EYS: variants seen among roughly 807,000 people sequenced by gnomAD.
The protein encoded by EYS is protein eyes shut homolog.
In EYS, 250 loss-of-function variants were observed where a neutral mutation model predicts 282.1. The observed-to-expected ratio is 0.89, with a 90% CI of 0.80 to 0.98. The LOEUF (loss-of-function observed/expected upper bound fraction) is 0.98, where lower values mean the gene tolerates loss of function less well. Among genes scored for constraint, EYS ranks in the 50% least tolerant of loss-of-function variants. The pLI is 0.00. For missense variants in EYS, 4,016 were observed against 3,709.0 expected (o/e 1.08, Z -2.15); for synonymous variants, 1,355 against 1,282.9 (o/e 1.06, Z -1.20).
chr6:63,887,217 T>C (rs1474917228), intron 35 of EYS, among the ~76,000 whole-genome samples: 1 of 152,144 alleles, frequency 6.6e-6, no homozygotes, highest in African/African-American at 2.4e-5. Flanking sequence ...TTCACTTCTT[T>C]ATGTTGAGCA....
intron 26 of EYS, among the ~76,000 whole-genome samples, chr6:64,572,406 A>T (rs1227249196): frequency 1.3e-5 from 2 of 152,070 alleles, no homozygotes; most frequent in Non-Finnish European, 2.9e-5. Context: ...TGGCCAGGGC[A>T]ATCAGGCAAG....
intron 26 of EYS, among the ~76,000 whole-genome samples, chr6:64,547,328 C>G (rs1170887369): frequency 6.6e-6 from 1 of 152,088 alleles, no homozygotes; most frequent in African/African-American, 2.4e-5. Context: ...GAGCCGACTG[C>G]TCCATTTTAC....
At chr6:64,992,846 G>A (rs1771113040) in intron 14 of EYS, among the ~76,000 whole-genome samples, 1 of 151,990 alleles carries the variant, frequency 6.6e-6, no homozygotes, top group East Asian at 1.9e-4. Flanking sequence ...CGCACTGATG[G>A]GGAGTTTGTA....
intron 11 of EYS, among the ~76,000 whole-genome samples, chr6:65,329,025 T>A (rs1769702640): frequency 6.6e-6 from 1 of 151,238 alleles, no homozygotes. Context: ...TAAAAGGTTA[T>A]ACCTATAAAA....
chr6:65,605,321 AT>A (rs34132189), intron 2 of EYS, among the ~76,000 whole-genome samples: 24,425 of 151,790 alleles, frequency 0.16, 2,090 homozygotes, highest in African/African-American at 0.21. Flanking sequence ...GCATAACTTC[AT>A]TGTCGATCAC....
intron 26 of EYS, among the ~76,000 whole-genome samples, chr6:64,459,559 G>A (rs1163544670): frequency 6.6e-6 from 1 of 152,170 alleles, no homozygotes; most frequent in Non-Finnish European, 1.5e-5. Context: ...CACAAAAGTA[G>A]GGAAGCCGAC....
At chr6:65,224,789 C>A (rs1766575733) in intron 12 of EYS, among the ~76,000 whole-genome samples, 1 of 151,990 alleles carries the variant, frequency 6.6e-6, no homozygotes, top group Non-Finnish European at 1.5e-5. Flanking sequence ...ATACTTAGTT[C>A]TATGCCAATA....
At chr6:64,195,960 T>C (rs1765274371) in intron 31 of EYS, among the ~76,000 whole-genome samples, 1 of 152,108 alleles carries the variant, frequency 6.6e-6, no homozygotes, top group Non-Finnish European at 1.5e-5. Context: ...ACAGGCACCC[T>C]ACAAAATGGG....
chr6:64,208,398 T>C (rs1048204758), intron 31 of EYS, among the ~76,000 whole-genome samples: 1 of 152,212 alleles, frequency 6.6e-6, no homozygotes, highest in African/African-American at 2.4e-5. Flanking sequence ...CATTATACTT[T>C]AGAGGCAGTA....
At chr6:64,933,796 G>A (rs767539635) in intron 15 of EYS, among the ~76,000 whole-genome samples, 2 of 152,044 alleles carry the variant, frequency 1.3e-5, no homozygotes, top group Non-Finnish European at 2.9e-5. Flanking sequence ...GAAATACTCT[G>A]CAGCTATAAA....
chr6:65,005,060 G>T (rs1205029519), intron 13 of EYS, among the ~76,000 whole-genome samples: 2 of 147,756 alleles, frequency 1.4e-5, no homozygotes, highest in African/African-American at 2.4e-5. Flanking sequence ...TCTTGCAACT[G>T]CACTCTTCTG....
chr6:65,126,284 C>T (rs530298231), intron 12 of EYS, among the ~76,000 whole-genome samples: 6 of 152,196 alleles, frequency 3.9e-5, no homozygotes, highest in East Asian at 1.9e-4. Context: ...CTTTAGCACA[C>T]GAATGTGCTC....
At chr6:65,301,077 AT>A (rs1768808311) in intron 11 of EYS, 1 of 152,228 alleles carries the variant, frequency 6.6e-6, no homozygotes, top group African/African-American at 2.4e-5. Context: ...TCTTTCGAGT[AT>A]TCGGCTTATT....
At chr6:63,776,093 T>C (rs372500624) in intron 40 of EYS, among the ~76,000 whole-genome samples, 1 of 152,158 alleles carries the variant, frequency 6.6e-6, no homozygotes, top group South Asian at 2.1e-4. Flanking sequence ...TGTCTATTTG[T>C]TACTCAAATT....
intron 15 of EYS, among the ~76,000 whole-genome samples, chr6:64,923,056 A>G (rs1280223635): frequency 6.6e-6 from 1 of 151,960 alleles, no homozygotes; most frequent in East Asian, 1.9e-4. Flanking sequence ...CCTATGATGT[A>G]TGTTGAGTAA....
chr6:64,031,930 G>T (rs1294556127), intron 33 of EYS, among the ~76,000 whole-genome samples: 1 of 152,094 alleles, frequency 6.6e-6, no homozygotes, highest in African/African-American at 2.4e-5. Flanking sequence ...ACCTGCTCTG[G>T]TCCCCTTCCA....
At chr6:64,122,828 A>T (rs1773634629) in intron 31 of EYS, among the ~76,000 whole-genome samples, 1 of 152,170 alleles carries the variant, frequency 6.6e-6, no homozygotes. Context: ...TTCCTTTAAA[A>T]CATTAGATTT....
At chr6:65,681,022 C>A (rs1417467700) in intron 1 of EYS, among the ~76,000 whole-genome samples, 1 of 151,210 alleles carries the variant, frequency 6.6e-6, no homozygotes, top group Non-Finnish European at 1.5e-5. Flanking sequence ...GTCTATCTGG[C>A]AACCAAATGT....
chr6:64,144,285 A>G (rs895961093), intron 31 of EYS, among the ~76,000 whole-genome samples: 10 of 152,196 alleles, frequency 6.6e-5, no homozygotes, highest in Admixed American at 3.9e-4. Context: ...TCAGACTACC[A>G]TATTGCTTCA....
Sources: gnomAD v4.1 joint callset for allele counts (sites outside exome capture counted in the v4.1 genomes callset) on GRCh38, gnomAD v4.1.1 for gene constraint, MANE v1.5 for transcripts, NCBI Gene and HGNC (gene_info 2026-07-23, HGNC 2026-07-21) for gene names.